Variants in POU6F2 observed in about 807,000 individuals in gnomAD.
POU6F2 encodes the protein POU class 6 homeobox 2.
Under a neutral mutation model 71.3 loss-of-function variants are expected in POU6F2, and 31 were observed. The ratio of observed to expected loss-of-function variants is 0.43; its 90% CI spans 0.33 to 0.59. POU6F2 has a LOEUF of 0.59. POU6F2 is among the 20% of genes least tolerant of loss of function. The pLI, the probability that POU6F2 is intolerant of heterozygous loss-of-function variation, is 0.04. For missense variants in POU6F2, 783 were observed against 856.8 expected (o/e 0.91, Z 1.07); for synonymous variants, 347 against 355.7 (o/e 0.98, Z 0.27).
At chr7:39,407,352 G>C (rs1787456678) in intron 6 of POU6F2, among the ~76,000 whole-genome samples, 1 of 151,500 alleles carries the variant, frequency 6.6e-6, no homozygotes, top group Admixed American at 6.6e-5. Flanking sequence ...ATTTACTTCA[G>C]TATGTCAGGG....
intron 1 of POU6F2, among the ~76,000 whole-genome samples, chr7:39,064,603 A>G (rs557306881): frequency 9.2e-5 from 14 of 152,098 alleles, no homozygotes; most frequent in Non-Finnish European, 1.9e-4. Flanking sequence ...AGGTAATCAA[A>G]ATAAGATCAA....
chr7:39,302,251 G>A (rs187394194), intron 4 of POU6F2, among the ~76,000 whole-genome samples: 1 of 152,156 alleles, frequency 6.6e-6, no homozygotes, highest in East Asian at 1.9e-4. Context: ...TAAAAAAGAG[G>A]GTAATGGACA....
Position 39,150,553 on chromosome 7 carries a change from G to A in POU6F2, c.278-53682G>A, listed in dbSNP as rs1235647693. 4.7e-5 allele frequency among the ~76,000 whole-genome samples: 6 copies of A among 128,974 alleles called. No individual in the cohort carries two copies. The East Asian group carries it at 1.4e-3, about 30-fold the overall frequency. 84.6% of individuals were successfully genotyped at this position (128,974 alleles called of 152,430 possible). On this transcript the variant is annotated intron_variant, in intron 2 of 9. Transcript: ENST00000518318. ...GTGATCTCGGCTCACTACAACCTCTGCCTCCCAGGTTCCAGTGATTCTCCT... is the reference window on the plus strand; with the variant it reads ...GTGATCTCGGCTCACTACAACCTCTACCTCCCAGGTTCCAGTGATTCTCCT...
At chr7:39,420,078 C>G (rs1396595748) in intron 6 of POU6F2, among the ~76,000 whole-genome samples, 1 of 152,114 alleles carries the variant, frequency 6.6e-6, no homozygotes, top group African/African-American at 2.4e-5. Context: ...AGTAAATCTG[C>G]AAGTAATGTC....
Position 39,467,611 on chromosome 7 carries a change from TTTTC to T in POU6F2, c.*2933_*2936del, listed in dbSNP as rs1789101080. On this transcript the variant is annotated 3_prime_UTR_variant, in exon 10 of 10. Transcript: ENST00000518318. ...ATTACATTTTACACTTGTTTATAGA[TTTTC>T]TTTCTTTTTCAACCAAGAAAATATT... 1.3e-5 allele frequency: 2 copies of T among 152,256 alleles called. No individual in the cohort carries two copies. Among genetic ancestry groups the T allele is most frequent in the African/African-American group, 4.8e-5 (2 of 41,478 alleles). The allele number at this position is 152,256 out of a possible 1,614,324, so 9.4% of individuals were successfully genotyped here.
intron 2 of POU6F2, among the ~76,000 whole-genome samples, chr7:39,203,710 A>T (rs1349469621): frequency 6.6e-6 from 1 of 152,176 alleles, no homozygotes; most frequent in Non-Finnish European, 1.5e-5. Context: ...GGGGAGAGCC[A>T]TATTCTTTTT....
At chr7:39,395,481 G>T (rs1787156869) in intron 5 of POU6F2, among the ~76,000 whole-genome samples, 1 of 152,128 alleles carries the variant, frequency 6.6e-6, no homozygotes, top group Non-Finnish European at 1.5e-5. Flanking sequence ...GCCTGATGAG[G>T]ATCCCTTGTC....
In POU6F2 at chr7:39,309,487, C is replaced by T. The variant is rs549240779; in HGVS notation, c.599-30155C>T. 1.1e-4 allele frequency among the ~76,000 whole-genome samples: 17 copies of T among 152,266 alleles called. No individual in the cohort carries two copies. In the South Asian group the frequency reaches 1.5e-3, roughly 13 times the overall value. On this transcript the variant is annotated intron_variant, in intron 4 of 9. Transcript: ENST00000518318. Reference sequence around the variant, plus strand: ...GGCAATGGCTCCTGGCTGGGACAGCCGATCCCCATGGCTGTCCATAAAGAA... The same window carrying T: ...GGCAATGGCTCCTGGCTGGGACAGCTGATCCCCATGGCTGTCCATAAAGAA...
chr7:39,376,658 G>T (rs546920293), intron 5 of POU6F2, among the ~76,000 whole-genome samples: 2 of 152,112 alleles, frequency 1.3e-5, no homozygotes, highest in African/African-American at 2.4e-5. Flanking sequence ...TGATCTCCAG[G>T]GACTCCTACA....
chr7:39,277,685 A>C (rs1302958274), intron 4 of POU6F2, among the ~76,000 whole-genome samples: 1 of 28,956 alleles, frequency 3.5e-5, no homozygotes, highest in Admixed American at 5.5e-4. Flanking sequence ...TTCCCTTAAC[A>C]AACTTTCAGA....
chr7:39,344,593 G>C, intron 5 of POU6F2, among the ~76,000 whole-genome samples: 1 of 152,090 alleles, frequency 6.6e-6, no homozygotes, highest in Admixed American at 6.5e-5. Flanking sequence ...TAAAGCAAAT[G>C]GTCTCCAATC....
intron 2 of POU6F2, among the ~76,000 whole-genome samples, chr7:39,202,845 CTG>C (rs1463593541): frequency 6.6e-6 from 1 of 152,158 alleles, no homozygotes; most frequent in Non-Finnish European, 1.5e-5. Context: ...GTCAGCAAGT[CTG>C]TGTTTTTATT....
At chr7:39,457,896 T>G (rs1320822724) in intron 8 of POU6F2, among the ~76,000 whole-genome samples, 1 of 152,176 alleles carries the variant, frequency 6.6e-6, no homozygotes, top group Admixed American at 6.5e-5. Context: ...TGTACCATTC[T>G]GTACTCTCTG....
chr7:39,027,323 A>T (rs139330464), intron 1 of POU6F2, among the ~76,000 whole-genome samples: 1 of 152,114 alleles, frequency 6.6e-6, no homozygotes, highest in African/African-American at 2.4e-5. Context: ...TTCTTTAAAA[A>T]CACTCACTAG....
chr7:39,463,204 G>A (rs1212128386), intron 9 of POU6F2, among the ~76,000 whole-genome samples: 1 of 152,202 alleles, frequency 6.6e-6, no homozygotes, highest in Non-Finnish European at 1.5e-5. Flanking sequence ...GTGAGTGTGA[G>A]TTTGGTACCA....
intron 2 of POU6F2, among the ~76,000 whole-genome samples, chr7:39,119,120 G>A (rs1166487469): frequency 6.6e-6 from 1 of 152,150 alleles, no homozygotes; most frequent in Non-Finnish European, 1.5e-5. Context: ...ACAATGAGAC[G>A]GGACCCAGGA....
chr7:39,118,220 A>G (rs565512714), intron 2 of POU6F2, among the ~76,000 whole-genome samples: 1 of 152,320 alleles, frequency 6.6e-6, no homozygotes, highest in South Asian at 2.1e-4. Context: ...TCCTAAGTCA[A>G]TAAATCTCAC....
Position 39,464,650 on chromosome 7 carries a change from G to A in POU6F2, c.2127G>A (p.Leu709=). The A allele has an allele frequency of 3.1e-6, 5 of 1,607,702 alleles. No homozygotes were observed. Among genetic ancestry groups the A allele is most frequent in the Non-Finnish European group, 4.2e-6 (5 of 1,177,258 alleles). Residue 709 remains leucine, a synonymous_variant, in exon 10 of 10, where the codon TTG becomes TTA. Transcript: ENST00000518318. This position sits in a 1 kb window ranked among gnomAD's most constrained non-coding sequence, Gnocchi z 4.1. ...KQHEPATAVP[L]EPLTDSLEEN... Reference sequence around the variant, plus strand: ...ACGAGCCGGCCACGGCAGTCCCTTTGGAGCCCTTAACAGACTCTCTGGAAG... The same window carrying A: ...ACGAGCCGGCCACGGCAGTCCCTTTAGAGCCCTTAACAGACTCTCTGGAAG...
intron 4 of POU6F2, among the ~76,000 whole-genome samples, 192 bp downstream of exon 4, chr7:39,207,812 G>C (rs927669343): frequency 3.3e-5 from 5 of 152,170 alleles, no homozygotes; most frequent in African/African-American, 1.2e-4. Flanking sequence ...CAAGCCATTG[G>C]TTTTATCAAT....
Sources: allele counts gnomAD v4.1 joint callset (sites outside exome capture counted in the v4.1 genomes callset), GRCh38; gene constraint gnomAD v4.1.1; non-coding constraint Gnocchi (gnomAD v3.1); transcripts MANE v1.5; gene names NCBI Gene and HGNC (gene_info 2026-07-23, HGNC 2026-07-21).